TENM3: variants seen among roughly 807,000 people sequenced by gnomAD.
The protein encoded by TENM3 is teneurin-3.
Under a neutral mutation model 255.1 loss-of-function variants are expected in TENM3, and 63 were observed. The observed-to-expected ratio is 0.25, with a 90% confidence interval of 0.20 to 0.30. The LOEUF is 0.30. Ranked by LOEUF, TENM3 falls within the 10% of genes least tolerant of loss-of-function variation. The pLI, the probability that TENM3 is intolerant of heterozygous loss-of-function variation, is 1.00. For synonymous variants in TENM3, 1,306 were observed against 1,322.3 expected, an observed-to-expected ratio of 0.99 and a Z score of 0.27; for missense variants, 2,929 against 3,461.1, an observed-to-expected ratio of 0.85 and a Z score of 3.86.
the TENM3 span, among the ~76,000 whole-genome samples, chr4:181,655,290 C>A: frequency 6.6e-6 from 1 of 152,304 alleles, no homozygotes; most frequent in African/African-American, 2.4e-5. Context: ...CAATTTTCTT[C>A]TGGGCTCACT....
At chr4:182,610,163 G>A (rs1748848697) in intron 4 of TENM3, among the ~76,000 whole-genome samples, 1 of 152,178 alleles carries the variant, frequency 6.6e-6, no homozygotes, top group South Asian at 2.1e-4. Flanking sequence ...AAATAACTGT[G>A]ATAATATGTA....
chr4:182,273,565 C>T (rs1759793728), intron 1 of TENM3, among the ~76,000 whole-genome samples: 1 of 152,224 alleles, frequency 6.6e-6, no homozygotes, highest in Non-Finnish European at 1.5e-5. Flanking sequence ...TCTCAAACAT[C>T]TTCCAGGAAG....
the TENM3 span, among the ~76,000 whole-genome samples, chr4:181,921,724 A>C: frequency 6.1e-3 from 926 of 152,210 alleles, 5 homozygotes; most frequent in African/African-American, 0.021. Flanking sequence ...AATACCCTTT[A>C]TTTCCTTCTC....
the TENM3 span, among the ~76,000 whole-genome samples, chr4:181,602,724 A>C: frequency 6.6e-6 from 1 of 152,190 alleles, no homozygotes; most frequent in African/African-American, 2.4e-5. Context: ...TAAGGAGTAA[A>C]TGTCAACATC....
In TENM3 at chr4:182,515,224, C is replaced by T. The variant is rs529691752; in HGVS notation, c.512-85700C>T. Among the ~76,000 whole-genome samples the T allele has an allele frequency of 2.3e-4, 35 of 152,032 alleles. No individual in the cohort carries two copies. In the South Asian group the frequency reaches 3.5e-3, roughly 15 times the overall value. On this transcript the variant is annotated intron_variant, in intron 3 of 27. Coordinates refer to ENST00000511685, the MANE Select transcript of TENM3 (RefSeq NM_001080477.4). The stretch of plus-strand genomic sequence containing the variant: ...TAGACTGCTTTTTCAGAGAGTTTGG[C>T]CTTAAAGGGAAAATATATTGATGTG...
the TENM3 span, among the ~76,000 whole-genome samples, chr4:181,924,952 G>A: frequency 6.6e-6 from 1 of 152,138 alleles, no homozygotes; most frequent in Non-Finnish European, 1.5e-5. Flanking sequence ...ATAAACGGCA[G>A]GTTGAAGTAA....
the TENM3 span, among the ~76,000 whole-genome samples, chr4:181,829,539 C>G: frequency 6.8e-4 from 104 of 152,272 alleles, no homozygotes; most frequent in African/African-American, 2.4e-3. Flanking sequence ...TTTAGGAGAA[C>G]GAACTCACTC....
chr4:182,226,163 TG>T (rs2149988549), intron 1 of TENM3, among the ~76,000 whole-genome samples: 1 of 152,094 alleles, frequency 6.6e-6, no homozygotes, highest in South Asian at 2.1e-4. Flanking sequence ...AAAAGCTGGG[TG>T]GGGTGTCCTA....
the TENM3 span, among the ~76,000 whole-genome samples, chr4:181,627,159 T>C: frequency 6.6e-6 from 1 of 152,132 alleles, no homozygotes; most frequent in African/African-American, 2.4e-5. Context: ...AGTTTACAAA[T>C]TGGGGTGTTT....
chr4:181,978,328 A>C, the TENM3 span, among the ~76,000 whole-genome samples: 2 of 152,152 alleles, frequency 1.3e-5, no homozygotes, highest in Non-Finnish European at 2.9e-5. Context: ...CCATAAGTGA[A>C]GCATCGATTT....
chr4:182,732,321 A>C (rs904849152), intron 16 of TENM3, among the ~76,000 whole-genome samples: 18 of 152,210 alleles, frequency 1.2e-4, no homozygotes, highest in Admixed American at 2.6e-4. Context: ...TATTAGCCTC[A>C]ATAACTTACT....
At chr4:181,468,864 C>T in the TENM3 span, among the ~76,000 whole-genome samples, 1 of 152,192 alleles carries the variant, frequency 6.6e-6, no homozygotes, top group Non-Finnish European at 1.5e-5. Context: ...AATACAGTTT[C>T]TGGAAAAGTC....
At chr4:182,287,129 G>A (rs796550854) in intron 1 of TENM3, among the ~76,000 whole-genome samples, 2 of 152,322 alleles carry the variant, frequency 1.3e-5, no homozygotes, top group African/African-American at 4.8e-5. Context: ...TGAGGAGGCT[G>A]AAGTGGGAGG....
the TENM3 span, among the ~76,000 whole-genome samples, chr4:181,783,549 T>A: frequency 6.6e-6 from 1 of 152,194 alleles, no homozygotes; most frequent in African/African-American, 2.4e-5. Context: ...TGTTTCAGAA[T>A]CATTTTCTCT....
Position 182,680,020 on chromosome 4 carries a change from A to G in TENM3, c.1537+144A>G, listed in dbSNP as rs370185717. On this transcript the variant is annotated intron_variant, in intron 8 of 27. Coordinates refer to ENST00000511685, the MANE Select transcript of TENM3 (RefSeq NM_001080477.4). ...ATGTGAGAATTATTTTTAAACCTTT[A>G]TTTGGGAATATGTGACAAACTGTGA... 140 of 796,994 alleles carry G rather than the reference A, an allele frequency of 1.8e-4. No homozygotes were observed. In the African/African-American group the frequency reaches 2.0e-3, roughly 12 times the overall value. The allele number at this position is 796,994 out of a possible 1,614,324, so 49.4% of individuals were successfully genotyped here.
At chr4:182,510,617 C>T (rs17073505) in intron 3 of TENM3, among the ~76,000 whole-genome samples, 11,589 of 152,138 alleles carry the variant, frequency 0.076, 506 homozygotes, top group East Asian at 0.11. Flanking sequence ...TGACATTTCC[C>T]TATTTGTCCT....
chr4:182,802,416 C>T lies in TENM3; in HGVS notation c.*2065C>T, dbSNP rs1005034586. ...CTGTTAGGTATTTGCAGTTCTGTTC[C>T]GTGGAACTTCTGCAGGCCTGTATTT... On this transcript the variant is annotated 3_prime_UTR_variant, in exon 28 of 28. Coordinates refer to ENST00000511685, the MANE Select transcript of TENM3 (RefSeq NM_001080477.4). The T allele has an allele frequency of 5.2e-5, 8 of 152,534 alleles. No individual in the cohort carries two copies. The highest frequency in any genetic ancestry group is 9.7e-5 in the African/African-American group (4 of 41,414). The allele number at this position is 152,534 out of a possible 1,614,324, so 9.4% of individuals were successfully genotyped here. A position where few individuals can be genotyped will look rare whatever the true frequency, so the allele number is the denominator to read the frequency against.
At chr4:181,605,573 AG>A in the TENM3 span, among the ~76,000 whole-genome samples, 2,055 of 28,160 alleles carry the variant, frequency 0.073, 296 homozygotes, top group Middle Eastern at 0.18. Flanking sequence ...AAAGAAAGAG[AG>A]AGAAAGAAAG....
At chr4:181,635,831 C>CTAT in the TENM3 span, among the ~76,000 whole-genome samples, 162 of 152,224 alleles carry the variant, frequency 1.1e-3, 3 homozygotes, top group South Asian at 6.0e-3. Flanking sequence ...TGGAGGGAGA[C>CTAT]GGGGCTTCCT....
Sources: allele counts gnomAD v4.1 joint callset (sites outside exome capture counted in the v4.1 genomes callset), GRCh38; gene constraint gnomAD v4.1.1; transcripts MANE v1.5; gene names NCBI Gene and HGNC (gene_info 2026-07-23, HGNC 2026-07-21).